The following ZNF84 variants were observed in gnomAD, a reference collection of about 807,000 sequenced individuals.
ZNF84 encodes zinc finger protein 84, also known as zinc finger protein HPF2.
A neutral mutation model predicts 14.8 loss-of-function variants in ZNF84; 12 were observed. The observed-to-expected ratio is 0.81, with a 90% CI of 0.52 to 1.31. The LOEUF is 1.31. Among genes scored for constraint, ZNF84 ranks in the 50% most tolerant of loss-of-function variants. The pLI, the probability that ZNF84 is intolerant of heterozygous loss-of-function variation, is 0.00. For synonymous variants in ZNF84, 347 were observed against 291.1 expected, an observed-to-expected ratio of 1.19 and a Z score of -1.96; for missense variants, 859 against 878.6, an observed-to-expected ratio of 0.98 and a Z score of 0.28.
Position 133,061,562 on chromosome 12 carries a change from A to C in ZNF84, c.*2630A>C, listed in dbSNP as rs1051880239. ...AATGCAAATGAACAGTTACAGGGTG[A>C]TGTTGTACTTTGTGATTTTTGCCCT... On this transcript the variant is annotated 3_prime_UTR_variant, in exon 5 of 5. Transcript: ENST00000539354. The C allele has an allele frequency of 6.6e-6, 1 of 152,166 alleles. No homozygotes were observed. The highest frequency in any genetic ancestry group is 1.5e-5 in the Non-Finnish European group (1 of 68,028). 9.4% of individuals were successfully genotyped at this position (152,166 alleles called of 1,614,324 possible).
At chr12:133,048,113 A>C in intron 3 of ZNF84, 32 bp downstream of exon 3, 1 of 1,584,430 alleles carries the variant, frequency 6.3e-7, no homozygotes, top group East Asian at 2.3e-5. Context: ...ACCTTGGACT[A>C]TGCCCAATGC....
Position 133,059,073 on chromosome 12 carries a change from A to G in ZNF84, c.*141A>G. 1.2e-6 allele frequency: 1 copy of G among 837,840 alleles called. No individual in the cohort carries two copies. Among genetic ancestry groups the G allele is most frequent in the Non-Finnish European group, 1.8e-6 (1 of 546,618 alleles). 51.9% of individuals were successfully genotyped at this position (837,840 alleles called of 1,614,324 possible). A position where few individuals can be genotyped will look rare whatever the true frequency, so the allele number is the denominator to read the frequency against. On this transcript the variant is annotated 3_prime_UTR_variant, in exon 5 of 5. Transcript: ENST00000539354. Reference sequence around the variant, plus strand: ...ACTCTAAATGAGGTGGTGTATGGAAAGCCGATCATAATTCATAGAGTAGAG... The same window carrying G: ...ACTCTAAATGAGGTGGTGTATGGAAGGCCGATCATAATTCATAGAGTAGAG...
intron 2 of ZNF84, among the ~76,000 whole-genome samples, chr12:133,042,575 T>A (rs1953905574): frequency 6.6e-6 from 1 of 152,174 alleles, no homozygotes; most frequent in Non-Finnish European, 1.5e-5. Flanking sequence ...TTCTATCTGG[T>A]TTCAGGCATC....
At chr12:133,047,059 C>T (rs965007574) in intron 2 of ZNF84, among the ~76,000 whole-genome samples, 4 of 150,578 alleles carry the variant, frequency 2.7e-5, no homozygotes, top group Non-Finnish European at 5.9e-5. Flanking sequence ...GCATTGGCCT[C>T]CAAAGTGCTG....
In ZNF84 at chr12:133,058,489, A is replaced by T; in HGVS notation, c.1774A>T (p.Ile592Phe). 1 of 1,614,214 alleles carries T rather than the reference A, an allele frequency of 6.2e-7. No homozygotes were observed. Among genetic ancestry groups the T allele is most frequent in the Non-Finnish European group, 8.5e-7 (1 of 1,180,034 alleles). The change falls in exon 5 of 5, where the codon ATT (isoleucine) becomes TTT (phenylalanine). Residue 592 changes from isoleucine to phenylalanine, a missense_variant. Ile to Phe is a conservative substitution (Grantham distance 21). Coordinates refer to ENST00000539354, the MANE Select transcript of ZNF84 (RefSeq NM_001289971.2). ...QKSQLNTHQR[I>F]HTGEKPYECS... is the part of the protein sequence containing the mutation. ...ATCACAGCTAAATACCCATCAGAGA[A>T]TTCACACTGGAGAGAAACCCTATGA... is the stretch of plus-strand genomic sequence containing the variant.
rs1016194677 is a variant in ZNF84, at chr12:133,058,604, A to G, written c.1889A>G (p.Asn630Ser). 3.3e-5 allele frequency: 53 copies of G among 1,614,002 alleles called. No homozygotes were observed. Among genetic ancestry groups the G allele is most frequent in the African/African-American group, 4.0e-5 (3 of 74,912 alleles). ...THTGEKPYEC[N>S]ECRKAFREKS... ...ACAGGAGAAAAACCTTATGAATGCA[A>G]TGAATGTAGAAAAGCCTTCAGGGAG... The change falls in exon 5 of 5, where the codon AAT becomes AGT. Residue 630 changes from asparagine to serine, a missense_variant. Coordinates refer to ENST00000539354, the MANE Select transcript of ZNF84 (RefSeq NM_001289971.2).
rs1954211166 is a variant in ZNF84, at chr12:133,058,980, A to C, written c.*48A>C. The C allele has an allele frequency of 1.5e-5, 22 of 1,503,614 alleles. No homozygotes were observed. The highest frequency in any genetic ancestry group is 2.0e-5 in the Non-Finnish European group (22 of 1,125,996). The allele number at this position is 1,503,614 out of a possible 1,614,324, so 93.1% of individuals were successfully genotyped here. ...TGACAGATCATCTTGGACTTCAGGAAATGCAATTATGATAACGTTTGTAGA... is the reference window on the plus strand; with the variant it reads ...TGACAGATCATCTTGGACTTCAGGACATGCAATTATGATAACGTTTGTAGA... On this transcript the variant is annotated 3_prime_UTR_variant, in exon 5 of 5. Transcript: ENST00000539354.
In ZNF84 at chr12:133,058,819, C is replaced by G; in HGVS notation, c.2104C>G (p.Gln702Glu). ...FSQKSQLVNH[Q>E]RIHTGEKPYR... is the part of the protein sequence containing the mutation. ...TCAGAAGTCACAGCTGGTTAATCAT[C>G]AGAGAATTCATACAGGAGAGAAGCC... The change falls in exon 5 of 5, where the codon CAG becomes GAG. Residue 702 changes from glutamine (Q) to glutamate (E), a missense_variant. Coordinates refer to ENST00000539354, the MANE Select transcript of ZNF84 (RefSeq NM_001289971.2). 1.4e-5 allele frequency: 23 copies of G among 1,614,040 alleles called. No individual in the cohort carries two copies. Among genetic ancestry groups the G allele is most frequent in the Non-Finnish European group, 1.9e-5 (23 of 1,179,980 alleles).
intron 2 of ZNF84, among the ~76,000 whole-genome samples, chr12:133,045,064 C>T (rs1307793377): frequency 6.6e-6 from 1 of 152,182 alleles, no homozygotes; most frequent in African/African-American, 2.4e-5. Flanking sequence ...TAAACTTATG[C>T]TGTATAACCA....
chr12:133,046,062 C>T (rs1953973166), intron 2 of ZNF84, among the ~76,000 whole-genome samples: 1 of 151,796 alleles, frequency 6.6e-6, no homozygotes, highest in African/African-American at 2.4e-5. Flanking sequence ...TTTCTGGTGG[C>T]ATTCTAGATT....
rs1317802951 is a variant in ZNF84, at chr12:133,060,974, T to C, written c.*2042T>C. On this transcript the variant is annotated 3_prime_UTR_variant, in exon 5 of 5. Coordinates refer to ENST00000539354, the MANE Select transcript of ZNF84 (RefSeq NM_001289971.2). ...TTTTATGTTCAAATTGTTGTATCAG[T>C]ATGGTATTTTGCACCTTTACCTTAA... 6.6e-6 allele frequency: 1 copy of C among 152,218 alleles called. No individual in the cohort carries two copies. 9.4% of individuals were successfully genotyped at this position (152,218 alleles called of 1,614,324 possible). A position where few individuals can be genotyped will look rare whatever the true frequency, so the allele number is the denominator to read the frequency against.
At chr12:133,055,099 A>G (rs1171607077) in intron 4 of ZNF84, among the ~76,000 whole-genome samples, 2 of 152,160 alleles carry the variant, frequency 1.3e-5, no homozygotes, top group Non-Finnish European at 2.9e-5. Flanking sequence ...TATGTAACAG[A>G]ACTATATTCA....
intron 4 of ZNF84, among the ~76,000 whole-genome samples, chr12:133,051,414 C>G (rs1251560453): frequency 1.3e-5 from 2 of 152,102 alleles, no homozygotes; most frequent in African/African-American, 2.4e-5. Flanking sequence ...TCAGAGTCCC[C>G]AAGATCCCCC....
intron 2 of ZNF84, among the ~76,000 whole-genome samples, chr12:133,042,752 A>T (rs1474866126): frequency 6.6e-6 from 1 of 152,236 alleles, no homozygotes; most frequent in Non-Finnish European, 1.5e-5. Context: ...CATGACCATA[A>T]TTATTTACTT....
Position 133,063,012 on chromosome 12 carries a change from A to G in ZNF84, c.*4080A>G. Reference sequence around the variant, plus strand: ...TCTTTCCCACTAGAAAGCTTCTAGAAAGCTAGTACTATCTTTTTTGTCTGT... The same window carrying G: ...TCTTTCCCACTAGAAAGCTTCTAGAGAGCTAGTACTATCTTTTTTGTCTGT... On this transcript the variant is annotated 3_prime_UTR_variant, in exon 5 of 5. Coordinates refer to ENST00000539354, the MANE Select transcript of ZNF84 (RefSeq NM_001289971.2). The G allele has an allele frequency of 1.5e-6, 1 of 674,850 alleles. No homozygotes were observed. The highest frequency in any genetic ancestry group is 1.6e-5 in the South Asian group (1 of 63,526). The allele number at this position is 674,850 out of a possible 1,614,324, so 41.8% of individuals were successfully genotyped here. A position where few individuals can be genotyped will look rare whatever the true frequency, so the allele number is the denominator to read the frequency against.
chr12:133,043,501 T>C (rs926365187), intron 2 of ZNF84, among the ~76,000 whole-genome samples: 1 of 152,150 alleles, frequency 6.6e-6, no homozygotes, highest in African/African-American at 2.4e-5. Flanking sequence ...CATAGATGGA[T>C]TATTTCATTG....
At chr12:133,042,570 T>C (rs1353338808) in intron 2 of ZNF84, among the ~76,000 whole-genome samples, 1 of 152,210 alleles carries the variant, frequency 6.6e-6, no homozygotes, top group Admixed American at 6.5e-5. Context: ...TTTGGTTCTA[T>C]CTGGTTTCAG....
At chr12:133,050,615 G>A in intron 4 of ZNF84, 1 of 398,484 alleles carries the variant, frequency 2.5e-6, no homozygotes, top group Non-Finnish European at 4.4e-6. Flanking sequence ...TTTCTCAAGT[G>A]TTTTTAGATA....
chr12:133,050,553 C>T (rs1278660245), intron 4 of ZNF84: 2 of 398,652 alleles, frequency 5.0e-6, no homozygotes, highest in East Asian at 7.1e-5. Flanking sequence ...CTACTGCTGC[C>T]TGTTCAGTTA....
Sources: gnomAD v4.1 joint callset for allele counts (sites outside exome capture counted in the v4.1 genomes callset) on GRCh38, gnomAD v4.1.1 for gene constraint, MANE v1.5 for transcripts, NCBI Gene and HGNC (gene_info 2026-07-23, HGNC 2026-07-21) for gene names.